Variants in TEF observed in about 807,000 individuals in gnomAD.
TEF encodes thyrotroph embryonic factor.
Under a neutral mutation model 20.8 loss-of-function variants are expected in TEF, and 3 were observed. The ratio of observed to expected loss-of-function variants is 0.14; its 90% CI spans 0.07 to 0.37. The LOEUF (loss-of-function observed/expected upper bound fraction) is 0.37. Among genes scored for constraint, TEF ranks in the 10% least tolerant of loss-of-function variants. The probability of loss-of-function intolerance (pLI) is 1.00; values close to 1 mark genes in which losing one functional copy is unlikely to be tolerated. For synonymous variants in TEF, 180 were observed against 171.1 expected, an observed-to-expected ratio of 1.05 and a Z score of -0.41; for missense variants, 296 against 397.9, an observed-to-expected ratio of 0.74 and a Z score of 2.18.
At chr22:41,387,136 G>A (rs984234132) in intron 1 of TEF, among the ~76,000 whole-genome samples, 1 of 152,192 alleles carries the variant, frequency 6.6e-6, no homozygotes, top group African/African-American at 2.4e-5. Flanking sequence ...GGGAAGGCCA[G>A]GCATGGATGA....
chr22:41,389,635 GT>G (rs770938186), intron 2 of TEF, among the ~76,000 whole-genome samples: 484 of 144,174 alleles, frequency 3.4e-3, no homozygotes, highest in African/African-American at 9.8e-3. Context: ...ATAAATAAAA[GT>G]TTTTTTTTTT....
chr22:41,387,179 G>A (rs919176251), intron 1 of TEF, among the ~76,000 whole-genome samples, 172 bp from the exon 2 acceptor site: 21 of 152,170 alleles, frequency 1.4e-4, no homozygotes, highest in Non-Finnish European at 2.9e-5. Flanking sequence ...GAAAACAGCC[G>A]GCCTGGTTCA....
At chr22:41,370,987 G>A (rs5758318) in intron 1 of TEF, among the ~76,000 whole-genome samples, 1 of 152,180 alleles carries the variant, frequency 6.6e-6, no homozygotes, top group Non-Finnish European at 1.5e-5. Flanking sequence ...TGGGTCTGTA[G>A]CCAAGCCCTG....
At position 41,370,412 on chromosome 22, in the gene TEF, ATTT is replaced by A. The variant is rs35657809; in HGVS notation, c.67+2829_67+2831del. On this transcript the variant is annotated intron_variant, in intron 1 of 3. Transcript: ENST00000406644. Reference sequence around the variant, plus strand: ...ACAGGTGTAAACCACTGCGCCTGGCATTTTTTTTTTTTTTTTTTGAGCCAGTGT... The same window carrying A: ...ACAGGTGTAAACCACTGCGCCTGGCATTTTTTTTTTTTTTTGAGCCAGTGT... Among the ~76,000 whole-genome samples, 41 of 108,590 alleles carry A rather than the reference ATTT, an allele frequency of 3.8e-4. 1 individual carries two copies. Among genetic ancestry groups the A allele is most frequent in the Admixed American group, 1.4e-3 (14 of 10,038 alleles). 71.2% of individuals were successfully genotyped at this position (108,590 alleles called of 152,430 possible).
intron 2 of TEF, among the ~76,000 whole-genome samples, chr22:41,392,119 A>G (rs547679364): frequency 1.3e-5 from 2 of 152,296 alleles, no homozygotes; most frequent in South Asian, 4.1e-4. Context: ...TATCAGTAGC[A>G]TTGAATGAGC....
At chr22:41,392,053 C>T (rs2037173500) in intron 2 of TEF, among the ~76,000 whole-genome samples, 1 of 152,170 alleles carries the variant, frequency 6.6e-6, no homozygotes, top group Non-Finnish European at 1.5e-5. Context: ...CAGAACCTGG[C>T]ATATAACAGG....
intron 2 of TEF, among the ~76,000 whole-genome samples, chr22:41,388,463 C>G (rs972521361): frequency 6.6e-6 from 1 of 151,878 alleles, no homozygotes; most frequent in Non-Finnish European, 1.5e-5. Context: ...CTCAGGTGAT[C>G]GACCTACGTT....
chr22:41,393,464 T>C (rs917268218), intron 2 of TEF, among the ~76,000 whole-genome samples: 2 of 151,764 alleles, frequency 1.3e-5, no homozygotes, highest in Non-Finnish European at 2.9e-5. Context: ...ATATAAAAAT[T>C]TAATGTTTTA....
At chr22:41,392,529 C>T (rs1223703885) in intron 2 of TEF, among the ~76,000 whole-genome samples, 1 of 151,508 alleles carries the variant, frequency 6.6e-6, no homozygotes, top group Non-Finnish European at 1.5e-5. Flanking sequence ...CAAAAATTAG[C>T]CGAGCATGGT....
intron 2 of TEF, among the ~76,000 whole-genome samples, chr22:41,391,184 G>A (rs1254415954): frequency 7.2e-5 from 11 of 152,104 alleles, no homozygotes; most frequent in Admixed American, 7.2e-4. Context: ...GCCTAAGTCT[G>A]ATCATGCCAC....
At chr22:41,371,089 C>G (rs2036877626) in intron 1 of TEF, among the ~76,000 whole-genome samples, 1 of 152,222 alleles carries the variant, frequency 6.6e-6, no homozygotes, top group Admixed American at 6.5e-5. Context: ...GATACTTTTC[C>G]AAGAGTTGAT....
intron 1 of TEF, among the ~76,000 whole-genome samples, chr22:41,382,484 C>T (rs1029852567): frequency 6.6e-6 from 1 of 151,096 alleles, no homozygotes; most frequent in Non-Finnish European, 1.5e-5. Context: ...CAGGGCCCCT[C>T]CCCCGGGGCC....
intron 1 of TEF, among the ~76,000 whole-genome samples, chr22:41,385,362 TA>T (rs998938652): frequency 1.3e-3 from 181 of 144,032 alleles, no homozygotes; most frequent in South Asian, 2.8e-3. Flanking sequence ...CTCCTTCTCA[TA>T]AAAAAAAAAA....
intron 2 of TEF, among the ~76,000 whole-genome samples, chr22:41,388,926 G>A (rs895346210): frequency 6.6e-6 from 1 of 151,536 alleles, no homozygotes; most frequent in Non-Finnish European, 1.5e-5. Flanking sequence ...CTATGTAACC[G>A]TCACCCAGCT....
Position 41,387,682 on chromosome 22 carries a change from C to T in TEF, c.475+14C>T, listed in dbSNP as rs775425477. 11 of 1,600,634 alleles carry T rather than the reference C, an allele frequency of 6.9e-6. No homozygotes were observed. In the South Asian group the frequency reaches 1.1e-4, roughly 16 times the overall value. On this transcript the variant is annotated intron_variant, in intron 2 of 3. Transcript: ENST00000266304. ...TGTCCAGCACAGGTTGGTGAAAGGC[C>T]ATCGAGGAGGGCCACCTGTCCCATC...
At chr22:41,389,007 T>A (rs568001929) in intron 2 of TEF, among the ~76,000 whole-genome samples, 1 of 152,156 alleles carries the variant, frequency 6.6e-6, no homozygotes, top group Non-Finnish European at 1.5e-5. Flanking sequence ...ATCTAAAATA[T>A]AAGGGTTCTT....
intron 1 of TEF, among the ~76,000 whole-genome samples, chr22:41,386,808 C>T (rs1173182637): frequency 6.6e-6 from 1 of 152,008 alleles, no homozygotes; most frequent in Non-Finnish European, 1.5e-5. Flanking sequence ...AATCCCAGCA[C>T]TTTGGTGGGT....
upstream of TEF, among the ~76,000 whole-genome samples, chr22:41,378,862 C>T (rs534592631): frequency 7.2e-5 from 11 of 152,226 alleles, no homozygotes; most frequent in Non-Finnish European, 1.5e-4. Flanking sequence ...ACAGAATTCT[C>T]ACTAACAATT....
chr22:41,396,050 T>A lies in TEF; in HGVS notation c.*90T>A. On this transcript the variant is annotated 3_prime_UTR_variant, in exon 4 of 4. Coordinates refer to ENST00000266304, the MANE Select transcript of TEF (RefSeq NM_003216.4). ...AACCCCTCACACGCGTGGAGACTTA[T>A]GACTCGTCGTGGGCGCATGGCGGCG... 7.2e-7 allele frequency: 1 copy of A among 1,382,196 alleles called. No homozygotes were observed. Among genetic ancestry groups the A allele is most frequent in the South Asian group, 1.4e-5 (1 of 73,992 alleles). 85.6% of individuals were successfully genotyped at this position (1,382,196 alleles called of 1,614,324 possible). A position where few individuals can be genotyped will look rare whatever the true frequency, so the allele number is the denominator to read the frequency against.
Sources: gnomAD v4.1 joint callset for allele counts (sites outside exome capture counted in the v4.1 genomes callset) on GRCh38, gnomAD v4.1.1 for gene constraint, MANE v1.5 for transcripts, NCBI Gene and HGNC (gene_info 2026-07-23, HGNC 2026-07-21) for gene names.